Variants in SPAG17 observed in about 807,000 individuals in gnomAD.
The protein encoded by SPAG17 is sperm-associated antigen 17.
SPAG17 carries 169 observed loss-of-function variants against 273.6 expected under a neutral mutation model. That is an observed-to-expected ratio of 0.62 (90% confidence interval 0.55 to 0.70). The LOEUF is 0.70. Among genes scored for constraint, SPAG17 ranks in the 30% least tolerant of loss-of-function variants. The pLI is 0.00. For missense variants in SPAG17, 2,557 were observed against 2,627.8 expected (o/e 0.97, Z 0.59); for synonymous variants, 825 against 873.2 (o/e 0.94, Z 0.97).
chr1:117,996,385 C>T lies in SPAG17; in HGVS notation c.5038G>A (p.Val1680Met), dbSNP rs764956813. ...GGTCCTCTACCTGGCTGTTCCTGCA[C>T]TGGCTCTTGGAGAACAACAGTATTT... Reference protein sequence around the residue: ...ESNTVVLQEPVQEQPGTLTIT... With the variant: ...ESNTVVLQEPMQEQPGTLTIT... Residue 1680 changes from valine (V) to methionine (M), a missense_variant, in exon 34 of 49, where the codon GTG (valine) becomes ATG (methionine). By Grantham distance (21) the Val-to-Met change is conservative (BLOSUM62 1). Transcript: ENST00000336338. The T allele has an allele frequency of 8.1e-6, 13 of 1,612,076 alleles. No individual in the cohort carries two copies. In the East Asian group the frequency reaches 2.2e-4, roughly 28 times the overall value.
chr1:118,112,175 T>G (rs1656801588), intron 4 of SPAG17, among the ~76,000 whole-genome samples: 2 of 152,036 alleles, frequency 1.3e-5, no homozygotes, highest in African/African-American at 4.8e-5. Context: ...AATAAAATAT[T>G]TGGGTTCAAA....
In SPAG17 at chr1:117,966,612, C is replaced by T; in HGVS notation, c.6529G>A (p.Ala2177Thr). ...CAAGTTGAACTTTAAAGGATATTTG[C>T]TTCCACAGGTAGGAACAGAACCTCA... is the stretch of plus-strand genomic sequence containing the variant. ...EHEVLFLPVE[A>T]TVLTSSNYDK... Residue 2177 changes from alanine (A) to threonine (T), a missense_variant, in exon 47 of 49, where the codon GCA (alanine) becomes ACA (threonine). Ala to Thr is a moderately conservative substitution (Grantham distance 58, BLOSUM62 0). Coordinates refer to ENST00000336338, the MANE Select transcript of SPAG17 (RefSeq NM_206996.4). 5 of 1,603,390 alleles carry T rather than the reference C, an allele frequency of 3.1e-6. No homozygotes were observed. The highest frequency in any genetic ancestry group is 4.2e-6 in the Non-Finnish European group (5 of 1,176,558).
intron 3 of SPAG17, among the ~76,000 whole-genome samples, chr1:118,129,390 G>A (rs748695693): frequency 3.3e-5 from 5 of 152,290 alleles, no homozygotes; most frequent in South Asian, 2.1e-4. Context: ...TGTTAGAAAC[G>A]TAACTCTTGG....
Position 118,085,902 on chromosome 1 carries a change from A to T in SPAG17, c.1762+20T>A, listed in dbSNP as rs781224999. On this transcript the variant is annotated intron_variant, in intron 13 of 48. Transcript: ENST00000336338. ...CATTAATTAAATTGAGTTTAAGCTAAGACAAAGCAATGGACTCACCACTCG... is the reference window on the plus strand; with the variant it reads ...CATTAATTAAATTGAGTTTAAGCTATGACAAAGCAATGGACTCACCACTCG... 1 of 1,571,944 alleles carries T rather than the reference A, an allele frequency of 6.4e-7. No homozygotes were observed. Among genetic ancestry groups the T allele is most frequent in the South Asian group, 1.2e-5 (1 of 83,496 alleles).
chr1:118,006,078 T>C (rs184295362), intron 31 of SPAG17, among the ~76,000 whole-genome samples: 7 of 152,218 alleles, frequency 4.6e-5, no homozygotes, highest in Non-Finnish European at 8.8e-5. Flanking sequence ...CTTCATGTAA[T>C]GAATTCTGGT....
intron 32 of SPAG17, among the ~76,000 whole-genome samples, chr1:117,997,591 A>T (rs1178340054): frequency 1.3e-5 from 2 of 151,782 alleles, no homozygotes; most frequent in Admixed American, 1.3e-4. Flanking sequence ...AAAGAAAAGA[A>T]AAAAGATAAA....
intron 18 of SPAG17, among the ~76,000 whole-genome samples, chr1:118,064,731 T>C (rs1557977537): frequency 6.7e-6 from 1 of 150,080 alleles, no homozygotes. Context: ...AAACTTAAAG[T>C]ATAATAATAA....
At chr1:118,072,350 G>A (rs989365158) in intron 17 of SPAG17, among the ~76,000 whole-genome samples, 8 of 152,160 alleles carry the variant, frequency 5.3e-5, no homozygotes, top group Non-Finnish European at 1.2e-4. Flanking sequence ...GAGAGTAACC[G>A]GAGAGGGAAC....
chr1:118,011,719 T>C (rs916236039), intron 30 of SPAG17, among the ~76,000 whole-genome samples: 2 of 151,896 alleles, frequency 1.3e-5, no homozygotes, highest in African/African-American at 2.4e-5. Context: ...CTTAAAAGTT[T>C]TAAATAAATG....
rs1658100023 is a variant in SPAG17, at chr1:118,000,031, T to C, written c.4777-3288A>G. On this transcript the variant is annotated intron_variant, in intron 32 of 48. Transcript: ENST00000336338. ...TGTAAGGAAGGGATCCAGTTTCAGC[T>C]TTCTACATATGGCTAGCCAGTTTTC... is the stretch of plus-strand genomic sequence containing the variant. Among the ~76,000 whole-genome samples the C allele has an allele frequency of 2.6e-5, 4 of 152,352 alleles. No individual in the cohort carries two copies. The South Asian group carries it at 8.3e-4, about 32-fold the overall frequency.
intron 3 of SPAG17, among the ~76,000 whole-genome samples, chr1:118,131,878 G>C (rs1658072509): frequency 6.6e-6 from 1 of 152,194 alleles, no homozygotes; most frequent in South Asian, 2.1e-4. Flanking sequence ...TTGAGATGGA[G>C]CCATTCTTGG....
rs140626322 is a variant in SPAG17 at position 118,097,576 on chromosome 1, G to A, written c.1011+94C>T. ...CCTAGCTCAATGCCTTGTAATCAGC[G>A]CTCAGTAACTATCTATGTGATGAAT... On this transcript the variant is annotated intron_variant, in intron 7 of 48. Coordinates refer to ENST00000336338, the MANE Select transcript of SPAG17 (RefSeq NM_206996.4). 7.0e-4 allele frequency: 678 copies of A among 971,668 alleles called. 7 individuals carry two copies. The East Asian group carries it at 0.017, about 24-fold the overall frequency. 60.2% of individuals were successfully genotyped at this position (971,668 alleles called of 1,614,324 possible). A position where few individuals can be genotyped will look rare whatever the true frequency, so the allele number is the denominator to read the frequency against.
chr1:118,152,800 G>A (rs915581170), intron 1 of SPAG17, among the ~76,000 whole-genome samples: 1 of 152,140 alleles, frequency 6.6e-6, no homozygotes, highest in African/African-American at 2.4e-5. Flanking sequence ...GATATGATAT[G>A]TATAATGTGT....
At chr1:118,150,518 A>C (rs767477921) in intron 3 of SPAG17, 25 bp downstream of exon 3, 1 of 1,302,280 alleles carries the variant, frequency 7.7e-7, no homozygotes, top group Admixed American at 2.6e-5. Flanking sequence ...ACACAAAAAT[A>C]TCTTCTATAA....
intron 40 of SPAG17, 82 bp from the exon 41 acceptor site, chr1:117,984,864 C>T: frequency 1.2e-6 from 1 of 826,078 alleles, no homozygotes. Flanking sequence ...GCTCTAAATC[C>T]CACAAAAATG....
chr1:118,158,701 C>T (rs1250785276), intron 1 of SPAG17, among the ~76,000 whole-genome samples: 1 of 152,222 alleles, frequency 6.6e-6, no homozygotes, highest in East Asian at 1.9e-4. Context: ...CTAACTCCTT[C>T]TCCTAGGTAT....
chr1:118,023,266 A>C, intron 28 of SPAG17, 38 bp downstream of exon 28: 1 of 1,561,104 alleles, frequency 6.4e-7, no homozygotes, highest in Non-Finnish European at 8.7e-7. Flanking sequence ...TGAAGGCTTT[A>C]CTAAATCCAT....
At chr1:118,032,272 C>T (rs1168713467) in intron 24 of SPAG17, among the ~76,000 whole-genome samples, 1 of 151,954 alleles carries the variant, frequency 6.6e-6, no homozygotes, top group South Asian at 2.1e-4. Context: ...TCAAAATAGT[C>T]TAAATAAGAT....
chr1:118,033,300 G>T (rs934999134), intron 24 of SPAG17, among the ~76,000 whole-genome samples: 5 of 152,158 alleles, frequency 3.3e-5, no homozygotes, highest in Admixed American at 3.3e-4. Flanking sequence ...CTCCCAAGCA[G>T]ATTAAGCCTC....
Sources: allele counts gnomAD v4.1 joint callset (sites outside exome capture counted in the v4.1 genomes callset), GRCh38; gene constraint gnomAD v4.1.1; transcripts MANE v1.5; gene names NCBI Gene and HGNC (gene_info 2026-07-23, HGNC 2026-07-21).